The following ARHGAP28 variants were observed in gnomAD, a reference collection of about 807,000 sequenced individuals.
ARHGAP28 encodes the protein Rho GTPase activating protein 28.
Under a neutral mutation model 90.7 loss-of-function variants are expected in ARHGAP28, and 56 were observed. The ratio of observed to expected loss-of-function variants is 0.62; its 90% CI spans 0.50 to 0.77. ARHGAP28 has a LOEUF of 0.77. Among genes scored for constraint, ARHGAP28 ranks in the 30% least tolerant of loss-of-function variants. ARHGAP28 has a pLI of 0.00. For synonymous variants in ARHGAP28, 308 were observed against 323.3 expected (o/e 0.95, Z 0.51); for missense variants, 869 against 900.9 (o/e 0.96, Z 0.45).
chr18:6,841,175 T>TC (rs1555631465), intron 3 of ARHGAP28, among the ~76,000 whole-genome samples: 5 of 83,384 alleles, frequency 6.0e-5, no homozygotes, highest in Admixed American at 1.2e-4. Flanking sequence ...CTCCTCTCTC[T>TC]CTCTCCTCTC....
intron 1 of ARHGAP28, among the ~76,000 whole-genome samples, chr18:6,750,573 T>A (rs963523994): frequency 2.2e-4 from 34 of 152,238 alleles, no homozygotes; most frequent in African/African-American, 7.0e-4. Flanking sequence ...TAGCTCATGA[T>A]TCTAGAGGCT....
rs141539141 is a variant in ARHGAP28 at position 6,785,810 on chromosome 18, T to C, written c.123-38952T>C. ...CTTTACTTAGTTTTCCAGTGGCTAA[T>C]ACCATACGGTGATAGTGCATGAAAT... On this transcript the variant is annotated intron_variant, in intron 1 of 17. Coordinates refer to ENST00000383472, the MANE Select transcript of ARHGAP28 (RefSeq NM_001366230.1). Among the ~76,000 whole-genome samples the C allele has an allele frequency of 4.8e-3, 732 of 152,350 alleles. 6 individuals are homozygous for C. The highest frequency in any genetic ancestry group is 0.016 in the African/African-American group (671 of 41,592).
chr18:6,751,424 A>G (rs991348685), intron 1 of ARHGAP28, among the ~76,000 whole-genome samples: 1 of 152,164 alleles, frequency 6.6e-6, no homozygotes, highest in African/African-American at 2.4e-5. Context: ...TTGTGAGGCC[A>G]TCGCTCTTCT....
chr18:6,786,260 A>G (rs1431936072), intron 1 of ARHGAP28, among the ~76,000 whole-genome samples: 1 of 151,978 alleles, frequency 6.6e-6, no homozygotes, highest in African/African-American at 2.4e-5. Flanking sequence ...TATTTTTTCT[A>G]TTTTATTTTT....
intron 3 of ARHGAP28, among the ~76,000 whole-genome samples, chr18:6,850,298 ACTT>A (rs879588945): frequency 1.3e-5 from 2 of 152,118 alleles, no homozygotes; most frequent in Non-Finnish European, 2.9e-5. Flanking sequence ...TTATCACTGT[ACTT>A]CTTTTTCATG....
intron 1 of ARHGAP28, among the ~76,000 whole-genome samples, chr18:6,798,327 G>A (rs2056457136): frequency 6.6e-6 from 1 of 152,054 alleles, no homozygotes; most frequent in South Asian, 2.1e-4. Context: ...CCAAGTAGCT[G>A]GGATTACAAG....
At chr18:6,847,370 C>A (rs1208568061) in intron 3 of ARHGAP28, among the ~76,000 whole-genome samples, 1 of 152,022 alleles carries the variant, frequency 6.6e-6, no homozygotes, top group Non-Finnish European at 1.5e-5. Context: ...TTGCCTTCTT[C>A]CAAACTAGAG....
At chr18:6,834,608 A>G (rs190292715) in intron 2 of ARHGAP28, 1 of 152,320 alleles carries the variant, frequency 6.6e-6, no homozygotes, top group Admixed American at 6.5e-5. Context: ...TATAATATGG[A>G]TAATAGATTA....
intron 1 of ARHGAP28, among the ~76,000 whole-genome samples, chr18:6,769,125 T>C (rs2056222778): frequency 6.6e-6 from 1 of 151,828 alleles, no homozygotes; most frequent in Admixed American, 6.6e-5. Flanking sequence ...TTTGGTAGGG[T>C]GAGAAGAGAC....
intron 1 of ARHGAP28, among the ~76,000 whole-genome samples, chr18:6,818,515 C>A (rs549476473): frequency 6.6e-6 from 1 of 151,804 alleles, no homozygotes; most frequent in African/African-American, 2.4e-5. Context: ...GAAAATAGAC[C>A]CCCCCAAAAC....
intron 1 of ARHGAP28, among the ~76,000 whole-genome samples, chr18:6,738,983 G>A (rs2055952075): frequency 6.6e-6 from 1 of 152,082 alleles, no homozygotes; most frequent in Non-Finnish European, 1.5e-5. Flanking sequence ...GCTTTAATCA[G>A]AGCTTACAAA....
At chr18:6,884,101 G>A (rs1385292558) in intron 11 of ARHGAP28, among the ~76,000 whole-genome samples, 2 of 152,226 alleles carry the variant, frequency 1.3e-5, no homozygotes, top group Admixed American at 6.5e-5. Context: ...GCGGCCAGGC[G>A]TGGGGGCTCA....
chr18:6,892,754 C>T (rs1247641297), intron 14 of ARHGAP28, among the ~76,000 whole-genome samples: 1 of 152,154 alleles, frequency 6.6e-6, no homozygotes, highest in Non-Finnish European at 1.5e-5. Context: ...GTCTGTGATC[C>T]ATTAGGTTAA....
At chr18:6,740,360 TCA>T (rs1283753975) in intron 1 of ARHGAP28, among the ~76,000 whole-genome samples, 1 of 152,162 alleles carries the variant, frequency 6.6e-6, no homozygotes, top group Non-Finnish European at 1.5e-5. Context: ...CTGTGGAAAC[TCA>T]GACTCCTGAG....
chr18:6,748,254 ACCT>A (rs1394282742), intron 1 of ARHGAP28, among the ~76,000 whole-genome samples: 6 of 152,116 alleles, frequency 3.9e-5, no homozygotes, highest in African/African-American at 1.4e-4. Context: ...CTGCATCAAT[ACCT>A]ATTCCGGGAA....
intron 1 of ARHGAP28, among the ~76,000 whole-genome samples, chr18:6,824,137 T>A (rs531945715): frequency 1.3e-5 from 2 of 152,336 alleles, no homozygotes; most frequent in African/African-American, 4.8e-5. Flanking sequence ...ACTTTTACTG[T>A]GCATATTTTG....
At chr18:6,864,264 C>T (rs1376921829) in intron 5 of ARHGAP28, among the ~76,000 whole-genome samples, 1 of 152,040 alleles carries the variant, frequency 6.6e-6, no homozygotes, top group Non-Finnish European at 1.5e-5. Context: ...CTGGGTTTCA[C>T]CATATTAGCC....
At chr18:6,823,814 C>G (rs1433067815) in intron 1 of ARHGAP28, among the ~76,000 whole-genome samples, 2 of 152,112 alleles carry the variant, frequency 1.3e-5, no homozygotes, top group Non-Finnish European at 2.9e-5. Context: ...GTGGCATGAT[C>G]TCAGCTCACT....
intron 1 of ARHGAP28, among the ~76,000 whole-genome samples, chr18:6,808,917 G>A (rs773233211): frequency 2.0e-5 from 3 of 152,190 alleles, no homozygotes; most frequent in Non-Finnish European, 2.9e-5. Flanking sequence ...TGGGCATTCA[G>A]CCAGAGTCAA....
Sources: allele counts gnomAD v4.1 joint callset (sites outside exome capture counted in the v4.1 genomes callset), GRCh38; gene constraint gnomAD v4.1.1; transcripts MANE v1.5; gene names NCBI Gene and HGNC (gene_info 2026-07-23, HGNC 2026-07-21).